The following IL1RAPL2 variants were observed in gnomAD, a reference collection of about 807,000 sequenced individuals.
IL1RAPL2 encodes the protein X-linked interleukin-1 receptor accessory protein-like 2.
IL1RAPL2 carries 3 observed loss-of-function variants against 44.1 expected under a neutral mutation model. The observed-to-expected ratio is 0.07, with a 90% CI of 0.03 to 0.18. The LOEUF (loss-of-function observed/expected upper bound fraction) is 0.18. IL1RAPL2 is among the 10% of genes least tolerant of loss of function. The pLI, the probability that IL1RAPL2 is intolerant of heterozygous loss-of-function variation, is 1.00. For synonymous variants in IL1RAPL2, 181 were observed against 178.8 expected (o/e 1.01, Z -0.10); for missense variants, 391 against 496.4 (o/e 0.79, Z 2.02).
In IL1RAPL2 at chrX:104,962,798, C is replaced by A. The variant is rs960087566; in HGVS notation, c.83-232677C>A. On this transcript the variant is annotated intron_variant, in intron 2 of 10. Transcript: ENST00000372582. Reference sequence around the variant, plus strand: ...TTCCAGGGTGATTCTTCAATCTCTGCCTTTCTCTTCATAATTCACTCACCT... The same window carrying A: ...TTCCAGGGTGATTCTTCAATCTCTGACTTTCTCTTCATAATTCACTCACCT... 7.1e-5 allele frequency among the ~76,000 whole-genome samples: 8 copies of A among 111,905 alleles called. 1 individual carries two copies. The highest frequency in any genetic ancestry group is 2.6e-4 in the African/African-American group (8 of 30,779).
intron 6 of IL1RAPL2, among the ~76,000 whole-genome samples, chrX:105,690,505 AATAATG>A (rs2038026532): frequency 1.8e-5 from 2 of 111,733 alleles, no homozygotes; most frequent in Admixed American, 1.9e-4. Flanking sequence ...ACTTCTACTT[AATAATG>A]ATAAATCAGA....
intron 6 of IL1RAPL2, among the ~76,000 whole-genome samples, chrX:105,496,336 C>T (rs1409994250): frequency 1.8e-5 from 2 of 112,364 alleles, no homozygotes; most frequent in Admixed American, 9.4e-5. Context: ...TGGTCACTTA[C>T]ATTTGGCTCA....
chrX:105,456,948 A>C (rs1400231156), intron 5 of IL1RAPL2, among the ~76,000 whole-genome samples: 1 of 108,671 alleles, frequency 9.2e-6, no homozygotes, highest in Non-Finnish European at 1.9e-5. Flanking sequence ...AGGTTGGTGG[A>C]GTATTCTGTA....
chrX:105,676,374 A>G (rs944457084), intron 6 of IL1RAPL2, among the ~76,000 whole-genome samples: 2 of 110,827 alleles, frequency 1.8e-5, no homozygotes, highest in Non-Finnish European at 3.8e-5. Context: ...TCTAGACACA[A>G]TTTCTCCTTG....
At chrX:105,044,198 G>A (rs765822679) in intron 2 of IL1RAPL2, among the ~76,000 whole-genome samples, 1 of 110,956 alleles carries the variant, frequency 9.0e-6, no homozygotes, top group South Asian at 3.8e-4. Flanking sequence ...AAGAGCACAG[G>A]ACCAAGACTT....
chrX:105,643,977 C>T (rs2037587066), intron 6 of IL1RAPL2, among the ~76,000 whole-genome samples: 1 of 111,363 alleles, frequency 9.0e-6, no homozygotes, highest in Non-Finnish European at 1.9e-5. Flanking sequence ...CTGCAACCTC[C>T]GCCTCCCAGG....
At chrX:105,493,942 A>T (rs186555068) in intron 6 of IL1RAPL2, among the ~76,000 whole-genome samples, 1 of 112,021 alleles carries the variant, frequency 8.9e-6, no homozygotes, top group African/African-American at 3.2e-5. Flanking sequence ...ATGCCTGAAA[A>T]CTAGCTGTGA....
At position 105,409,719 on chromosome X, in the gene IL1RAPL2, A is replaced by G. The variant is rs73527126; in HGVS notation, c.698-74594A>G. Among the ~76,000 whole-genome samples, 304 of 110,549 alleles carry G rather than the reference A, an allele frequency of 2.7e-3. 1 individual carries two copies. Among genetic ancestry groups the G allele is most frequent in the African/African-American group, 9.6e-3 (291 of 30,340 alleles). ...CTCAGCATGTTTAAGAAATTGAAAGATTAGTGAGACTGAAGCTTAGTGGGA... is the reference window on the plus strand; with the variant it reads ...CTCAGCATGTTTAAGAAATTGAAAGGTTAGTGAGACTGAAGCTTAGTGGGA... On this transcript the variant is annotated intron_variant, in intron 5 of 10. Transcript: ENST00000372582.
intron 5 of IL1RAPL2, among the ~76,000 whole-genome samples, chrX:105,354,205 A>G (rs1197763203): frequency 9.0e-6 from 1 of 111,238 alleles, no homozygotes; most frequent in Admixed American, 9.6e-5. Flanking sequence ...ATGCACACGT[A>G]TGTTTATTGC....
intron 2 of IL1RAPL2, among the ~76,000 whole-genome samples, chrX:105,159,424 A>G (rs933935982): frequency 8.9e-6 from 1 of 112,171 alleles, no homozygotes; most frequent in Non-Finnish European, 1.9e-5. Flanking sequence ...TACCACCAAA[A>G]CAGGAAACAA....
chrX:104,908,348 G>T (rs1219338076), intron 2 of IL1RAPL2, among the ~76,000 whole-genome samples: 2 of 111,310 alleles, frequency 1.8e-5, no homozygotes, highest in Non-Finnish European at 3.8e-5. Flanking sequence ...CTGTCATTAT[G>T]ATGTTAGCTG....
At chrX:104,968,561 G>C (rs1162053444) in intron 2 of IL1RAPL2, among the ~76,000 whole-genome samples, 1 of 111,028 alleles carries the variant, frequency 9.0e-6, no homozygotes, top group Non-Finnish European at 1.9e-5. Context: ...AAGAATAAAA[G>C]GTAATTATTA....
chrX:105,300,225 T>TA (rs2034686283), intron 5 of IL1RAPL2, among the ~76,000 whole-genome samples: 1 of 111,537 alleles, frequency 9.0e-6, no homozygotes, highest in South Asian at 3.8e-4. Context: ...AGATAATGTA[T>TA]AAAAAAAGTT....
intron 3 of IL1RAPL2, among the ~76,000 whole-genome samples, chrX:105,223,485 C>T (rs2033986650): frequency 8.9e-6 from 1 of 112,123 alleles, no homozygotes; most frequent in South Asian, 3.7e-4. Context: ...TTTATTCCCT[C>T]TATAATACTT....
intron 1 of IL1RAPL2, among the ~76,000 whole-genome samples, chrX:104,585,322 A>ATATTATATAT (rs1928515995): frequency 1.4e-4 from 3 of 21,005 alleles, no homozygotes; most frequent in Non-Finnish European, 2.0e-4. Context: ...AATATATATT[A>ATATTATATAT]TATATAATAT....
intron 5 of IL1RAPL2, among the ~76,000 whole-genome samples, chrX:105,462,851 C>T (rs755747216): frequency 9.1e-6 from 1 of 110,493 alleles, no homozygotes. Flanking sequence ...GTCTTTTGCC[C>T]AACTCACTTC....
At chrX:105,162,532 A>G (rs893676369) in intron 2 of IL1RAPL2, among the ~76,000 whole-genome samples, 24 of 112,225 alleles carry the variant, frequency 2.1e-4, no homozygotes, top group African/African-American at 7.8e-4. Flanking sequence ...GTTAGGACAA[A>G]GATGTTTCAT....
At chrX:105,054,566 G>T (rs2031969325) in intron 2 of IL1RAPL2, among the ~76,000 whole-genome samples, 1 of 111,952 alleles carries the variant, frequency 8.9e-6, no homozygotes. Flanking sequence ...GACTACATGT[G>T]CATACCACCA....
At chrX:105,712,455 A>G (rs2038218922) in intron 6 of IL1RAPL2, among the ~76,000 whole-genome samples, 1 of 111,008 alleles carries the variant, frequency 9.0e-6, no homozygotes, top group Non-Finnish European at 1.9e-5. Flanking sequence ...TTATAATGGA[A>G]AGAGGTTTAA....
Sources: gnomAD v4.1 joint callset for allele counts (sites outside exome capture counted in the v4.1 genomes callset) on GRCh38, gnomAD v4.1.1 for gene constraint, MANE v1.5 for transcripts, NCBI Gene and HGNC (gene_info 2026-07-23, HGNC 2026-07-21) for gene names.